The following ASPRV1 variants were observed in gnomAD, a reference collection of about 807,000 sequenced individuals.
ASPRV1 encodes aspartic peptidase retroviral like 1, also known as retroviral-like aspartic protease 1.
A neutral mutation model predicts 11.0 loss-of-function variants in ASPRV1; 7 were observed. That is an observed-to-expected ratio of 0.64 (90% CI 0.36 to 1.20). ASPRV1 has a LOEUF of 1.20. Among genes scored for constraint, ASPRV1 ranks in the 50% most tolerant of loss-of-function variants. The pLI is 0.02. For synonymous variants in ASPRV1, 136 were observed against 138.4 expected, an observed-to-expected ratio of 0.98 and a Z score of 0.12; for missense variants, 299 against 320.0, an observed-to-expected ratio of 0.93 and a Z score of 0.50.
chr2:70,079,832 A>G, the ASPRV1 span, among the ~76,000 whole-genome samples: 1 of 152,228 alleles, frequency 6.6e-6, no homozygotes, highest in African/African-American at 2.4e-5. Flanking sequence ...CAATGAACAC[A>G]CAGAAGGGTT....
chr2:69,963,074 G>C (rs971020567), upstream of ASPRV1: 3 of 356,440 alleles, frequency 8.4e-6, no homozygotes, highest in South Asian at 6.2e-5. Flanking sequence ...AATCCCAGCA[G>C]TACCCTGCCT....
At chr2:69,996,506 A>C in the ASPRV1 span, among the ~76,000 whole-genome samples, 2 of 152,238 alleles carry the variant, frequency 1.3e-5, no homozygotes, top group Admixed American at 6.5e-5. Context: ...TTCATGGAAC[A>C]GCACAGAGAA....
the ASPRV1 span, among the ~76,000 whole-genome samples, chr2:69,944,099 G>A: frequency 1.3e-5 from 2 of 152,156 alleles, no homozygotes; most frequent in Non-Finnish European, 2.9e-5. Context: ...CATCACTGTG[G>A]ACAAGCCCCA....
At chr2:69,974,351 T>G in the ASPRV1 span, among the ~76,000 whole-genome samples, 1 of 147,974 alleles carries the variant, frequency 6.8e-6, no homozygotes, top group East Asian at 2.0e-4. Context: ...AAAAAAAAAA[T>G]TATTAGGAAG....
the ASPRV1 span, among the ~76,000 whole-genome samples, chr2:70,007,062 C>T: frequency 6.6e-6 from 1 of 152,182 alleles, no homozygotes; most frequent in Non-Finnish European, 1.5e-5. Flanking sequence ...TCTTGGGCTG[C>T]TACAAAGATT....
downstream of ASPRV1, among the ~76,000 whole-genome samples, chr2:69,956,116 G>A (rs1388781174): frequency 7.2e-5 from 11 of 152,172 alleles, no homozygotes; most frequent in Non-Finnish European, 4.4e-5. Context: ...ACGTCCCAAG[G>A]AGACAGGAGC....
At chr2:69,974,689 T>C in the ASPRV1 span, among the ~76,000 whole-genome samples, 2 of 152,216 alleles carry the variant, frequency 1.3e-5, no homozygotes, top group South Asian at 2.1e-4. Context: ...TGGGCTGCCA[T>C]GTTGGTGGAG....
the ASPRV1 span, among the ~76,000 whole-genome samples, chr2:69,987,097 G>A: frequency 6.6e-6 from 1 of 152,068 alleles, no homozygotes; most frequent in Admixed American, 6.6e-5. Context: ...AAGGGATCAG[G>A]GAACAGCCGG....
the ASPRV1 span, among the ~76,000 whole-genome samples, chr2:69,994,582 C>G: frequency 6.6e-6 from 1 of 152,146 alleles, no homozygotes; most frequent in Non-Finnish European, 1.5e-5. Flanking sequence ...GGCTGGCTGT[C>G]ACAGCTGGGG....
the ASPRV1 span, among the ~76,000 whole-genome samples, chr2:70,084,411 T>C: frequency 2.0e-5 from 3 of 152,180 alleles, no homozygotes; most frequent in Non-Finnish European, 2.9e-5. Flanking sequence ...TCCAGTTTAG[T>C]GGTTAAGAAT....
At chr2:70,082,696 G>A in the ASPRV1 span, among the ~76,000 whole-genome samples, 8 of 152,254 alleles carry the variant, frequency 5.3e-5, no homozygotes, top group South Asian at 4.2e-4. Flanking sequence ...GGCAACAAGC[G>A]CGAAACTCTG....
At chr2:69,973,832 A>G in the ASPRV1 span, among the ~76,000 whole-genome samples, 3 of 152,216 alleles carry the variant, frequency 2.0e-5, no homozygotes, top group East Asian at 3.8e-4. Flanking sequence ...TCTTAAGTCT[A>G]GATAGTCAAC....
chr2:70,017,333 A>G, the ASPRV1 span, among the ~76,000 whole-genome samples: 1 of 152,220 alleles, frequency 6.6e-6, no homozygotes, highest in East Asian at 1.9e-4. Context: ...ACAAAATTAA[A>G]CATCCTTTCA....
chr2:69,983,972 C>T, the ASPRV1 span, among the ~76,000 whole-genome samples: 1 of 152,208 alleles, frequency 6.6e-6, no homozygotes, highest in East Asian at 1.9e-4. Flanking sequence ...ACCCCAGTCC[C>T]TCCTTTCCCA....
chr2:70,022,848 T>C, the ASPRV1 span, among the ~76,000 whole-genome samples: 1 of 151,884 alleles, frequency 6.6e-6, no homozygotes, highest in Non-Finnish European at 1.5e-5. Flanking sequence ...TGTGTATAAA[T>C]TATAACTCAA....
At chr2:70,008,350 T>C in the ASPRV1 span, among the ~76,000 whole-genome samples, 1 of 152,196 alleles carries the variant, frequency 6.6e-6, no homozygotes, top group Non-Finnish European at 1.5e-5. Flanking sequence ...AACTCATTGA[T>C]TATGGTAAGC....
At chr2:70,065,535 G>C in the ASPRV1 span, among the ~76,000 whole-genome samples, 1 of 151,680 alleles carries the variant, frequency 6.6e-6, no homozygotes, top group Non-Finnish European at 1.5e-5. Flanking sequence ...GTTAATAAAA[G>C]CATATGGGTA....
At chr2:70,061,394 C>CAAA in the ASPRV1 span, among the ~76,000 whole-genome samples, 3 of 77,904 alleles carry the variant, frequency 3.9e-5, no homozygotes, top group African/African-American at 8.1e-5. Context: ...GACTCTGTCT[C>CAAA]AAAAAAAAAA....
chr2:70,012,854 A>C, the ASPRV1 span, among the ~76,000 whole-genome samples: 1 of 152,316 alleles, frequency 6.6e-6, no homozygotes, highest in East Asian at 1.9e-4. Context: ...ATGACTAACA[A>C]ACTATGATTA....
Sources: gnomAD v4.1 joint callset for allele counts (sites outside exome capture counted in the v4.1 genomes callset) on GRCh38, gnomAD v4.1.1 for gene constraint, MANE v1.5 for transcripts, NCBI Gene and HGNC (gene_info 2026-07-23, HGNC 2026-07-21) for gene names.